Variants in TSPAN9 observed in about 807,000 individuals in gnomAD.
TSPAN9 encodes the protein tetraspanin 9.
TSPAN9 carries 16 observed loss-of-function variants against 31.0 expected under a neutral mutation model. The ratio of observed to expected loss-of-function variants is 0.52; its 90% CI spans 0.35 to 0.78. The LOEUF (loss-of-function observed/expected upper bound fraction) is 0.78. Among genes scored for constraint, TSPAN9 ranks in the 30% least tolerant of loss-of-function variants. The pLI is 0.01. For synonymous variants in TSPAN9, 145 were observed against 121.6 expected (o/e 1.19, Z -1.27); for missense variants, 272 against 312.5 (o/e 0.87, Z 0.98).
intron 2 of TSPAN9, among the ~76,000 whole-genome samples, chr12:3,140,350 A>G (rs778155027): frequency 1.3e-5 from 2 of 152,130 alleles, no homozygotes; most frequent in Admixed American, 6.5e-5. Context: ...CTCATCGAAC[A>G]AGATACGGGC....
intron 3 of TSPAN9, among the ~76,000 whole-genome samples, chr12:3,221,649 G>A (rs575317010): frequency 6.6e-6 from 1 of 152,128 alleles, no homozygotes; most frequent in Admixed American, 6.5e-5. Flanking sequence ...GTGAGCCACC[G>A]TGCTCAGCCT....
chr12:3,103,917 G>A (rs2098312985), intron 2 of TSPAN9, among the ~76,000 whole-genome samples: 3 of 152,202 alleles, frequency 2.0e-5, no homozygotes, highest in Non-Finnish European at 2.9e-5. Context: ...GAAAATTGGT[G>A]TATATCAGGA....
In TSPAN9 at chr12:3,143,147, G is replaced by GT. The variant is rs1445792578; in HGVS notation, c.-17-58029dup. On this transcript the variant is annotated intron_variant, in intron 2 of 8. Coordinates refer to ENST00000011898, the MANE Select transcript of TSPAN9 (RefSeq NM_006675.5). The surrounding 1 kb of genome is among the most constrained non-coding windows in gnomAD (Gnocchi z 4.2). The stretch of plus-strand genomic sequence containing the variant: ...GCATCAAGGGGAATGTGATGTCTGT[G>GT]TGTCTTATTACTGGTGATGATGCCC... Among the ~76,000 whole-genome samples, 17 of 152,110 alleles carry GT rather than the reference G, an allele frequency of 1.1e-4. No individual in the cohort carries two copies. The highest frequency in any genetic ancestry group is 2.2e-4 in the Non-Finnish European group (15 of 67,988).
chr12:3,219,990 A>G (rs1459726038), intron 3 of TSPAN9, among the ~76,000 whole-genome samples: 1 of 152,044 alleles, frequency 6.6e-6, no homozygotes, highest in African/African-American at 2.4e-5. Flanking sequence ...CCCTGTCTCT[A>G]CTAAAAATAC....
chr12:3,143,551 CAG>C lies in TSPAN9; in HGVS notation c.-17-57624_-17-57623del, dbSNP rs913714135. 2.0e-5 allele frequency among the ~76,000 whole-genome samples: 3 copies of C among 152,020 alleles called. No homozygotes were observed. Among genetic ancestry groups the C allele is most frequent in the Admixed American group, 6.6e-5 (1 of 15,250 alleles). ...ATTCAATTAGTTATTTTTATCATTA[CAG>C]ACTCATGGATATTTATTTACTTCAC... On this transcript the variant is annotated intron_variant, in intron 2 of 8. Coordinates refer to ENST00000011898, the MANE Select transcript of TSPAN9 (RefSeq NM_006675.5). The surrounding 1 kb of genome is among the most constrained non-coding windows in gnomAD (Gnocchi z 4.2).
At chr12:3,145,123 C>T (rs1429844135) in intron 2 of TSPAN9, among the ~76,000 whole-genome samples, 1 of 152,208 alleles carries the variant, frequency 6.6e-6, no homozygotes, top group Non-Finnish European at 1.5e-5. Flanking sequence ...TGTGAGCACA[C>T]AGTGCGTGCA....
chr12:3,122,022 C>A (rs588106), intron 2 of TSPAN9, among the ~76,000 whole-genome samples: 2 of 151,564 alleles, frequency 1.3e-5, no homozygotes, highest in Non-Finnish European at 2.9e-5. Flanking sequence ...CCCTCCCCTC[C>A]CCTCGTTTTT....
At chr12:3,134,188 T>C (rs962652572) in intron 2 of TSPAN9, among the ~76,000 whole-genome samples, 2 of 152,142 alleles carry the variant, frequency 1.3e-5, no homozygotes, top group African/African-American at 4.8e-5. Context: ...GTAGGTCGCA[T>C]TGCTAAAAAC....
At chr12:3,253,051 C>T (rs1251884856) in intron 3 of TSPAN9, among the ~76,000 whole-genome samples, 1 of 152,136 alleles carries the variant, frequency 6.6e-6, no homozygotes, top group African/African-American at 2.4e-5. Context: ...CTCTCTCCCA[C>T]CTGGAAAGCA....
At chr12:3,158,690 C>A (rs1457406801) in intron 2 of TSPAN9, among the ~76,000 whole-genome samples, 2 of 138,296 alleles carry the variant, frequency 1.4e-5, no homozygotes, top group Non-Finnish European at 3.0e-5. Flanking sequence ...CCATTGCACT[C>A]CAGCCCAGGT....
intron 2 of TSPAN9, among the ~76,000 whole-genome samples, chr12:3,191,770 C>T (rs2098364536): frequency 6.6e-6 from 1 of 152,162 alleles, no homozygotes; most frequent in Non-Finnish European, 1.5e-5. Flanking sequence ...CTCTGCCTTT[C>T]TGGGGTTCAT....
intron 2 of TSPAN9, among the ~76,000 whole-genome samples, chr12:3,138,982 G>A (rs1175807996): frequency 3.3e-5 from 5 of 152,174 alleles, no homozygotes; most frequent in Admixed American, 1.3e-4. Flanking sequence ...CAGAGCCCAG[G>A]GCTACAGGCT....
intron 2 of TSPAN9, among the ~76,000 whole-genome samples, chr12:3,091,052 G>A (rs111289010): frequency 6.6e-6 from 1 of 152,206 alleles, no homozygotes; most frequent in Non-Finnish European, 1.5e-5. Flanking sequence ...AAACCTTCCT[G>A]CCCTCTGCAA....
chr12:3,186,546 T>TTGTGTG (rs61329208), intron 2 of TSPAN9, among the ~76,000 whole-genome samples: 2,333 of 135,912 alleles, frequency 0.017, 26 homozygotes, highest in East Asian at 0.021. Context: ...AGGAGTTTGT[T>TTGTGTG]TGTGTGTGTG....
chr12:3,210,133 CA>C (rs61255920), intron 3 of TSPAN9, among the ~76,000 whole-genome samples: 76,276 of 141,162 alleles, frequency 0.54, 20,723 homozygotes, highest in Middle Eastern at 0.67. Flanking sequence ...GACTCCGTCT[CA>C]AAAAAAAAAA....
intron 2 of TSPAN9, among the ~76,000 whole-genome samples, chr12:3,111,670 G>A (rs775248590): frequency 6.7e-6 from 1 of 149,772 alleles, no homozygotes. Context: ...CTGGAGTGCA[G>A]TGGTGCGATC....
In TSPAN9 at chr12:3,105,781, C is replaced by T. The variant is rs2098314168; in HGVS notation, c.-18+22062C>T. On this transcript the variant is annotated intron_variant, in intron 2 of 8. Transcript: ENST00000011898. ...ACGCACACACGCGCACGCACACACG[C>T]TCATACACACTCACGCACACATGCG... is the stretch of plus-strand genomic sequence containing the variant. 2.7e-5 allele frequency among the ~76,000 whole-genome samples: 4 copies of T among 149,182 alleles called. No individual in the cohort carries two copies. The Middle Eastern group carries it at 0.014, about 514-fold the overall frequency.
intron 2 of TSPAN9, among the ~76,000 whole-genome samples, chr12:3,132,426 A>C (rs2153967077): frequency 6.6e-6 from 1 of 152,058 alleles, no homozygotes; most frequent in Admixed American, 6.6e-5. Flanking sequence ...ATCCTTGCCA[A>C]CACTTGTTAT....
chr12:3,248,639 A>AT (rs1264859451), intron 3 of TSPAN9, among the ~76,000 whole-genome samples: 3,376 of 127,636 alleles, frequency 0.026, 116 homozygotes, highest in African/African-American at 0.088. Context: ...AATAGATCAT[A>AT]TTTTTTTTTT....
Sources: allele counts gnomAD v4.1 joint callset (sites outside exome capture counted in the v4.1 genomes callset), GRCh38; gene constraint gnomAD v4.1.1; non-coding constraint Gnocchi (gnomAD v3.1); transcripts MANE v1.5; gene names NCBI Gene and HGNC (gene_info 2026-07-23, HGNC 2026-07-21).